The following COL27A1 variants were observed in gnomAD, a reference collection of about 807,000 sequenced individuals.
COL27A1 encodes the protein collagen alpha-1(XXVII) chain.
A neutral mutation model predicts 251.3 loss-of-function variants in COL27A1; 106 were observed. That is an observed-to-expected ratio of 0.42 (90% CI 0.36 to 0.50). COL27A1 has a LOEUF of 0.50. COL27A1 is among the 20% of genes least tolerant of loss of function. COL27A1 has a pLI of 0.00. For missense variants in COL27A1, 2,325 were observed against 2,522.8 expected, an observed-to-expected ratio of 0.92 and a Z score of 1.68; for synonymous variants, 1,000 against 986.3, an observed-to-expected ratio of 1.01 and a Z score of -0.26.
chr9:114,193,849 G>C (rs1181398628), intron 5 of COL27A1, among the ~76,000 whole-genome samples: 2 of 152,152 alleles, frequency 1.3e-5, no homozygotes, highest in Non-Finnish European at 2.9e-5. Context: ...AACAAGCCAG[G>C]AGACAGTCCT....
intron 9 of COL27A1, 107 bp from the exon 10 acceptor site, chr9:114,206,145 T>C: frequency 1.8e-6 from 2 of 1,112,124 alleles, no homozygotes; most frequent in South Asian, 2.6e-5. Context: ...CCACCCCCAT[T>C]CTACAAAGAG....
At chr9:114,288,887 C>A (rs1827703946) in intron 43 of COL27A1, 27 bp from the exon 44 acceptor site, 1 of 1,613,592 alleles carries the variant, frequency 6.2e-7, no homozygotes, top group Non-Finnish European at 8.5e-7. Context: ...GATGGGCCCC[C>A]CTCACCTGTC....
chr9:114,254,211 G>C (rs1489164323), intron 27 of COL27A1, among the ~76,000 whole-genome samples: 1 of 152,120 alleles, frequency 6.6e-6, no homozygotes, highest in Non-Finnish European at 1.5e-5. Context: ...CAGGGCTGAG[G>C]GTCCTCAGGG....
intron 16 of COL27A1, among the ~76,000 whole-genome samples, chr9:114,233,513 GC>G (rs1287279384): frequency 2.0e-5 from 3 of 152,206 alleles, no homozygotes; most frequent in African/African-American, 7.2e-5. Flanking sequence ...TCTGATGGAG[GC>G]AGGGGGTTCC....
At chr9:114,274,416 C>A (rs1009966753) in intron 36 of COL27A1, among the ~76,000 whole-genome samples, 1 of 152,204 alleles carries the variant, frequency 6.6e-6, no homozygotes, top group African/African-American at 2.4e-5. Flanking sequence ...TGGGCCAGAC[C>A]ACTTGATTTA....
intron 3 of COL27A1, among the ~76,000 whole-genome samples, chr9:114,170,741 G>A (rs147959890): frequency 3.3e-5 from 5 of 152,336 alleles, no homozygotes; most frequent in African/African-American, 7.2e-5. Flanking sequence ...AATTGGCAGC[G>A]TAGAGAGTTG....
In COL27A1 at chr9:114,206,195, T is replaced by A. The variant is rs1208605150; in HGVS notation, c.2224-57T>A. On this transcript the variant is annotated intron_variant, in intron 9 of 60. Coordinates refer to ENST00000356083, the MANE Select transcript of COL27A1 (RefSeq NM_032888.4). ...CAAAGAGGCAGGACTTGCCCCAGGA[T>A]TGGCAGCAGGTAGAGCGTCTCCATA... 8 of 1,561,684 alleles carry A rather than the reference T, an allele frequency of 5.1e-6. No homozygotes were observed. The East Asian group carries it at 1.8e-4, about 35-fold the overall frequency.
chr9:114,231,967 C>T (rs779972532), intron 16 of COL27A1, 101 bp downstream of exon 16: 197 of 1,135,048 alleles, frequency 1.7e-4, no homozygotes, highest in Non-Finnish European at 2.4e-4. Context: ...CACTCCCCTG[C>T]ACTCTTCCTG....
At chr9:114,244,239 G>C (rs141298246) in intron 23 of COL27A1, among the ~76,000 whole-genome samples, 2 of 152,258 alleles carry the variant, frequency 1.3e-5, no homozygotes, top group Admixed American at 1.3e-4. Flanking sequence ...ATGGCACCCT[G>C]TTTCTTTACG....
At chr9:114,253,390 A>AG (rs1833697607) in intron 27 of COL27A1, among the ~76,000 whole-genome samples, 1 of 133,552 alleles carries the variant, frequency 7.5e-6, no homozygotes, top group African/African-American at 3.0e-5. Flanking sequence ...AGAAAGAAAA[A>AG]AGAAAGAGGA....
upstream of COL27A1, among the ~76,000 whole-genome samples, chr9:114,154,112 C>A (rs955796019): frequency 1.3e-5 from 2 of 152,114 alleles, no homozygotes; most frequent in African/African-American, 4.8e-5. This position sits in a 1 kb window ranked among gnomAD's most constrained non-coding sequence, Gnocchi z 5.8. Context: ...CTATGAGCCG[C>A]CCCCAGCTCT....
At chr9:114,175,496 A>G (rs1016189737) in intron 3 of COL27A1, among the ~76,000 whole-genome samples, 2 of 152,222 alleles carry the variant, frequency 1.3e-5, no homozygotes, top group East Asian at 3.9e-4. Flanking sequence ...CGTGGCTAGC[A>G]CTGGGCAGCC....
Position 114,169,178 on chromosome 9 carries a change from C to G in COL27A1, c.1623C>G (p.Ala541=), listed in dbSNP as rs1432198355. The change falls in exon 3 of 61, where the codon GCC becomes GCG. Residue 541 remains alanine (A), a synonymous_variant. Coordinates refer to ENST00000356083, the MANE Select transcript of COL27A1 (RefSeq NM_032888.4). The part of the protein sequence containing the change: ...TGSKKPIGSE[A]SKKAGPKSSP... ...GCAAGAAGCCCATTGGATCGGAAGC[C>G]TCAAAGAAAGCCGGACCCAAGAGCA... 1 of 1,614,082 alleles carries G rather than the reference C, an allele frequency of 6.2e-7. No individual in the cohort carries two copies. The highest frequency in any genetic ancestry group is 1.1e-5 in the South Asian group (1 of 91,070).
intron 60 of COL27A1, among the ~76,000 whole-genome samples, chr9:114,310,005 T>A (rs1204972337): frequency 6.6e-6 from 1 of 152,224 alleles, no homozygotes; most frequent in Non-Finnish European, 1.5e-5. Flanking sequence ...AGAGGCTTTC[T>A]GGATAGCAGC....
chr9:114,220,131 TCCCCACTGGAGAGG>T (rs1423021223), intron 13 of COL27A1, among the ~76,000 whole-genome samples: 5 of 152,088 alleles, frequency 3.3e-5, no homozygotes, highest in African/African-American at 1.2e-4. Flanking sequence ...CATGGGTCAC[TCCCCACTGGAGAGG>T]CCCCAGCTGC....
chr9:114,231,898 T>A (rs772967801), intron 16 of COL27A1, 32 bp downstream of exon 16: 2 of 1,607,586 alleles, frequency 1.2e-6, no homozygotes, highest in Non-Finnish European at 1.7e-6. Flanking sequence ...TGCACTGTGG[T>A]TTCTCTGCAT....
chr9:114,229,318 G>T (rs1010981303), intron 14 of COL27A1, among the ~76,000 whole-genome samples: 10 of 152,216 alleles, frequency 6.6e-5, no homozygotes, highest in Non-Finnish European at 1.2e-4. Flanking sequence ...AGGCTGAGCT[G>T]CCATCTGCAA....
chr9:114,286,203 C>T (rs1429163054), intron 41 of COL27A1, among the ~76,000 whole-genome samples: 6 of 151,924 alleles, frequency 3.9e-5, no homozygotes, highest in Middle Eastern at 3.4e-3. Context: ...GCAAGCTGGA[C>T]GGTGCTAGGG....
intron 36 of COL27A1, 73 bp downstream of exon 36, chr9:114,270,854 C>A: frequency 9.0e-7 from 1 of 1,105,092 alleles, no homozygotes; most frequent in Non-Finnish European, 1.4e-6. Flanking sequence ...CCTAAGTCTC[C>A]TCCCAGAAAC....
Sources: allele counts gnomAD v4.1 joint callset (sites outside exome capture counted in the v4.1 genomes callset), GRCh38; gene constraint gnomAD v4.1.1; non-coding constraint Gnocchi (gnomAD v3.1); transcripts MANE v1.5; gene names NCBI Gene and HGNC (gene_info 2026-07-23, HGNC 2026-07-21).